TLK2: variants seen among roughly 807,000 people sequenced by gnomAD.
TLK2 encodes the protein serine/threonine-protein kinase tousled-like 2.
TLK2 carries 6 observed loss-of-function variants against 117.3 expected under a neutral mutation model. The ratio of observed to expected loss-of-function variants is 0.05; its 90% CI spans 0.03 to 0.10. The LOEUF is 0.10. Ranked by LOEUF, TLK2 falls within the 10% of genes least tolerant of loss-of-function variation. The pLI is 1.00. For missense variants in TLK2, 299 were observed against 901.2 expected, an observed-to-expected ratio of 0.33 and a Z score of 8.56; for synonymous variants, 257 against 316.7, an observed-to-expected ratio of 0.81 and a Z score of 2.00.
At chr17:62,589,208 A>G (rs1033427937) in intron 16 of TLK2, among the ~76,000 whole-genome samples, 4 of 152,192 alleles carry the variant, frequency 2.6e-5, no homozygotes, top group Non-Finnish European at 5.9e-5. Flanking sequence ...TTAAAAATTT[A>G]GTATTACGAC....
chr17:62,577,210 G>C (rs1424319246), intron 13 of TLK2, among the ~76,000 whole-genome samples: 3 of 151,742 alleles, frequency 2.0e-5, no homozygotes, highest in African/African-American at 7.3e-5. Context: ...CTCCTGCCTC[G>C]GCCTCCCAAA....
chr17:62,565,232 G>A (rs1420921501), intron 11 of TLK2, 95 bp downstream of exon 11: 2 of 1,421,562 alleles, frequency 1.4e-6, no homozygotes, highest in Non-Finnish European at 1.9e-6. Context: ...CCTACTATTG[G>A]TAGTCATCTT....
intron 2 of TLK2, among the ~76,000 whole-genome samples, chr17:62,487,393 C>T (rs1227914690): frequency 6.6e-6 from 1 of 151,512 alleles, no homozygotes; most frequent in Non-Finnish European, 1.5e-5. Flanking sequence ...TCAGCACGCG[C>T]CTGTAGTCCC....
At chr17:62,496,840 C>G (rs932927563) in intron 2 of TLK2, among the ~76,000 whole-genome samples, 4 of 151,578 alleles carry the variant, frequency 2.6e-5, no homozygotes, top group Non-Finnish European at 4.4e-5. Context: ...GCCTGTAGTC[C>G]CAGCTACTCG....
chr17:62,579,285 A>G (rs1004244782), intron 14 of TLK2, among the ~76,000 whole-genome samples: 3 of 152,184 alleles, frequency 2.0e-5, no homozygotes, highest in Admixed American at 6.5e-5. Flanking sequence ...TAGTGCTCTC[A>G]TTTAATCCGC....
chr17:62,571,025 A>G (rs2080244523), intron 11 of TLK2, among the ~76,000 whole-genome samples: 1 of 152,228 alleles, frequency 6.6e-6, no homozygotes, highest in South Asian at 2.1e-4. Flanking sequence ...AAGGGTAGAA[A>G]TGAGCTAAAG....
intron 10 of TLK2, among the ~76,000 whole-genome samples, chr17:62,563,195 AG>A (rs1026524027): frequency 6.6e-6 from 1 of 152,242 alleles, no homozygotes; most frequent in East Asian, 1.9e-4. Context: ...CTGCCATCAG[AG>A]GGTTAACAGT....
chr17:62,476,498 G>A (rs144152852), upstream of TLK2, among the ~76,000 whole-genome samples: 1,581 of 151,850 alleles, frequency 0.01, 23 homozygotes, highest in Admixed American at 0.016. Flanking sequence ...CGGGAGAATC[G>A]CATGAACCCA....
intron 16 of TLK2, among the ~76,000 whole-genome samples, chr17:62,593,000 A>C (rs2082189742): frequency 6.6e-6 from 1 of 152,206 alleles, no homozygotes; most frequent in African/African-American, 2.4e-5. Context: ...CGTGGAGCTC[A>C]GGCGGTCATG....
intron 7 of TLK2, among the ~76,000 whole-genome samples, chr17:62,536,808 T>C (rs2077144352): frequency 6.6e-6 from 1 of 152,216 alleles, no homozygotes; most frequent in South Asian, 2.1e-4. Context: ...ACACACTTGC[T>C]TTCTCACCCC....
At chr17:62,586,343 T>C (rs2081604165) in intron 16 of TLK2, 117 bp downstream of exon 16, 1 of 681,920 alleles carries the variant, frequency 1.5e-6, no homozygotes, top group South Asian at 2.0e-5. Flanking sequence ...TCTTCATAAC[T>C]GCCCTGAGAG....
At chr17:62,587,113 A>AG (rs1181837205) in intron 16 of TLK2, among the ~76,000 whole-genome samples, 2 of 151,696 alleles carry the variant, frequency 1.3e-5, no homozygotes, top group South Asian at 2.1e-4. Context: ...TGGGGTAGAG[A>AG]GGGGGGGCTT....
chr17:62,575,445 G>A (rs1157484970), intron 12 of TLK2, among the ~76,000 whole-genome samples: 1 of 152,222 alleles, frequency 6.6e-6, no homozygotes, highest in Non-Finnish European at 1.5e-5. Context: ...GCCCTAGTGG[G>A]TGAGTTTCTT....
At chr17:62,545,822 C>T (rs1173373856) in intron 7 of TLK2, among the ~76,000 whole-genome samples, 2 of 152,008 alleles carry the variant, frequency 1.3e-5, no homozygotes, top group African/African-American at 4.8e-5. Context: ...CCCACCTCAG[C>T]CTCCCCAAAT....
At chr17:62,588,842 A>G (rs980905343) in intron 16 of TLK2, among the ~76,000 whole-genome samples, 6 of 152,220 alleles carry the variant, frequency 3.9e-5, no homozygotes, top group African/African-American at 2.4e-5. Context: ...GGAGACTTAC[A>G]TCAAGCACAT....
chr17:62,494,863 G>T (rs193113664), intron 2 of TLK2, among the ~76,000 whole-genome samples: 6 of 152,024 alleles, frequency 3.9e-5, no homozygotes, highest in African/African-American at 1.2e-4. Flanking sequence ...TCAGAAAGCA[G>T]AATTAAGATT....
intron 2 of TLK2, among the ~76,000 whole-genome samples, chr17:62,511,578 C>T (rs994765384): frequency 6.6e-6 from 1 of 152,138 alleles, no homozygotes; most frequent in African/African-American, 2.4e-5. Context: ...CTATATTGGC[C>T]AGGCTGGTCT....
rs541268715 is a variant in TLK2 at position 62,517,585 on chromosome 17, G to A, written c.82-3188G>A. Among the ~76,000 whole-genome samples, 90 of 151,592 alleles carry A rather than the reference G, an allele frequency of 5.9e-4. No individual in the cohort carries two copies. The Middle Eastern group carries it at 0.01, about 17-fold the overall frequency. On this transcript the variant is annotated intron_variant, in intron 2 of 21. Transcript: ENST00000346027. ...AATTTTTTGTATTTTTAGTAGAGAC[G>A]GGGTTTCACCGTGGTCTCGATCTCC...
At chr17:62,523,246 A>G in intron 5 of TLK2, 69 bp downstream of exon 5, 1 of 1,549,586 alleles carries the variant, frequency 6.5e-7, no homozygotes, top group East Asian at 2.3e-5. Flanking sequence ...GATTTTTTTT[A>G]AAAAACCCTA....
Sources: gnomAD v4.1 joint callset for allele counts (sites outside exome capture counted in the v4.1 genomes callset) on GRCh38, gnomAD v4.1.1 for gene constraint, MANE v1.5 for transcripts, NCBI Gene and HGNC (gene_info 2026-07-23, HGNC 2026-07-21) for gene names.